The following EPC2 variants were observed in gnomAD, a reference collection of about 807,000 sequenced individuals.
EPC2 encodes the protein enhancer of polycomb homolog 2.
In EPC2, 14 loss-of-function variants were observed where a neutral mutation model predicts 92.1. The observed-to-expected ratio is 0.15, with a 90% CI of 0.10 to 0.24. The LOEUF (loss-of-function observed/expected upper bound fraction) is 0.24, where lower values mean the gene tolerates loss of function less well. Ranked by LOEUF, EPC2 falls within the 10% of genes least tolerant of loss-of-function variation. The pLI is 1.00. For synonymous variants in EPC2, 340 were observed against 334.7 expected (o/e 1.02, Z -0.17); for missense variants, 755 against 971.5 (o/e 0.78, Z 2.96).
chr2:148,671,286 GATTTTTTT>G (rs1308354468), intron 1 of EPC2, among the ~76,000 whole-genome samples: 3 of 130,652 alleles, frequency 2.3e-5, no homozygotes, highest in African/African-American at 9.1e-5. Context: ...TGTGGATTGT[GATTTTTTT>G]TTTTTTTTTT....
At chr2:148,769,562 T>G (rs1395512170) in intron 8 of EPC2, among the ~76,000 whole-genome samples, 1 of 152,212 alleles carries the variant, frequency 6.6e-6, no homozygotes, top group Non-Finnish European at 1.5e-5. Context: ...TGTAAGTTGG[T>G]TCTAGAACCT....
intron 13 of EPC2, among the ~76,000 whole-genome samples, chr2:148,785,623 T>C (rs955449265): frequency 1.3e-5 from 2 of 152,138 alleles, no homozygotes; most frequent in African/African-American, 4.8e-5. Context: ...TCCTCTTGTA[T>C]TAATGTTTTA....
intron 3 of EPC2, among the ~76,000 whole-genome samples, chr2:148,750,648 G>A (rs1281941236): frequency 6.6e-6 from 1 of 152,030 alleles, no homozygotes; most frequent in Non-Finnish European, 1.5e-5. Context: ...TAAATTAGGG[G>A]TCATTTGCTA....
chr2:148,682,770 G>A (rs972406100), intron 1 of EPC2, among the ~76,000 whole-genome samples: 2 of 152,034 alleles, frequency 1.3e-5, no homozygotes, highest in Non-Finnish European at 2.9e-5. Flanking sequence ...AATCACATAT[G>A]GCCAATCGTG....
intron 12 of EPC2, among the ~76,000 whole-genome samples, chr2:148,784,424 C>G (rs538479568): frequency 1.3e-5 from 2 of 152,312 alleles, no homozygotes; most frequent in African/African-American, 4.8e-5. Flanking sequence ...TTGCCAGATA[C>G]AGGCAGCAGA....
chr2:148,772,041 C>T (rs1354171038), intron 10 of EPC2, among the ~76,000 whole-genome samples: 1 of 152,146 alleles, frequency 6.6e-6, no homozygotes, highest in East Asian at 1.9e-4. Context: ...TCAGGTGATC[C>T]ACCTGCCTCA....
intron 2 of EPC2, among the ~76,000 whole-genome samples, chr2:148,694,768 C>G (rs936680000): frequency 6.6e-6 from 1 of 152,104 alleles, no homozygotes; most frequent in Non-Finnish European, 1.5e-5. Flanking sequence ...TTCTCCTCCC[C>G]CCGCCCAAAC....
intron 12 of EPC2, 62 bp downstream of exon 12, chr2:148,783,818 T>G: frequency 6.7e-7 from 1 of 1,489,994 alleles, no homozygotes; most frequent in East Asian, 2.5e-5. Flanking sequence ...GATTGGGAGT[T>G]TGTTTTTTGT....
Position 148,720,642 on chromosome 2 carries a change from AT to A in EPC2, c.314-22979del, listed in dbSNP as rs1682352410. On this transcript the variant is annotated intron_variant, in intron 2 of 13. Coordinates refer to ENST00000258484, the MANE Select transcript of EPC2 (RefSeq NM_015630.4). ...CCTGGTGGCGTGGACTCATAAGGGG[AT>A]CTCCTGATCCCCGGGTTGCAAAGAT... Among the ~76,000 whole-genome samples, 5 of 152,118 alleles carry A rather than the reference AT, an allele frequency of 3.3e-5. No individual in the cohort carries two copies. In the South Asian group the frequency reaches 8.3e-4, roughly 25 times the overall value.
chr2:148,696,647 A>C (rs3948092), intron 2 of EPC2, among the ~76,000 whole-genome samples: 2 of 152,060 alleles, frequency 1.3e-5, no homozygotes, highest in African/African-American at 4.8e-5. Context: ...GAACCCTCCT[A>C]TGGGGCCTCC....
At chr2:148,763,809 C>T (rs1253753790) in intron 6 of EPC2, among the ~76,000 whole-genome samples, 2 of 152,174 alleles carry the variant, frequency 1.3e-5, no homozygotes, top group Non-Finnish European at 2.9e-5. Flanking sequence ...CATTTTGTGT[C>T]AATCAATGCT....
intron 1 of EPC2, among the ~76,000 whole-genome samples, chr2:148,663,997 C>G (rs1462323844): frequency 1.3e-5 from 2 of 152,128 alleles, no homozygotes; most frequent in South Asian, 2.1e-4. Flanking sequence ...CTATATAGTA[C>G]ATGTTTTCAG....
chr2:148,752,421 A>G (rs1683097618), intron 3 of EPC2, among the ~76,000 whole-genome samples: 1 of 152,118 alleles, frequency 6.6e-6, no homozygotes, highest in African/African-American at 2.4e-5. Flanking sequence ...CATTCCGGAG[A>G]ACTCCAGCTA....
chr2:148,780,396 C>T (rs1298326571), intron 10 of EPC2, among the ~76,000 whole-genome samples: 1 of 152,022 alleles, frequency 6.6e-6, no homozygotes, highest in African/African-American at 2.4e-5. Context: ...CTTGTTATAT[C>T]TAATTTACCA....
rs192907018 is a variant in EPC2 at position 148,782,170 on chromosome 2, G to A, written c.1857+390G>A. ...CATGTGGATGTGCTCCATGAGCTGG[G>A]CAGTAATTCAGTTGAATTGTGCAAT... On this transcript the variant is annotated intron_variant, in intron 11 of 13. Transcript: ENST00000258484. 2.6e-5 allele frequency among the ~76,000 whole-genome samples: 4 copies of A among 152,270 alleles called. No individual in the cohort carries two copies. In the East Asian group the frequency reaches 7.7e-4, roughly 29 times the overall value.
chr2:148,725,471 A>G (rs978745455), intron 2 of EPC2, among the ~76,000 whole-genome samples: 1 of 152,030 alleles, frequency 6.6e-6, no homozygotes, highest in Non-Finnish European at 1.5e-5. Context: ...GAGTACTTCA[A>G]TGTATGGTTT....
intron 1 of EPC2, among the ~76,000 whole-genome samples, chr2:148,663,138 A>G (rs1333304482): frequency 2.0e-5 from 3 of 150,792 alleles, no homozygotes; most frequent in African/African-American, 7.3e-5. Flanking sequence ...AGAGAATGGT[A>G]GAGTAGACAG....
At chr2:148,715,717 G>A (rs1285793741) in intron 2 of EPC2, among the ~76,000 whole-genome samples, 1 of 152,050 alleles carries the variant, frequency 6.6e-6, no homozygotes, top group African/African-American at 2.4e-5. Context: ...CTCTTTTTTG[G>A]TTCCATATGA....
chr2:148,701,008 G>A (rs780792003), intron 2 of EPC2, among the ~76,000 whole-genome samples: 77 of 152,140 alleles, frequency 5.1e-4, no homozygotes, highest in Admixed American at 1.1e-3. Flanking sequence ...ATACTTAAGT[G>A]TCTTTTTTTG....
Sources: allele counts gnomAD v4.1 joint callset (sites outside exome capture counted in the v4.1 genomes callset), GRCh38; gene constraint gnomAD v4.1.1; transcripts MANE v1.5; gene names NCBI Gene and HGNC (gene_info 2026-07-23, HGNC 2026-07-21).